The following CTTN variants were observed in gnomAD, a reference collection of about 807,000 sequenced individuals.
CTTN encodes the protein cortactin.
In CTTN, 28 loss-of-function variants were observed where a neutral mutation model predicts 84.0. The ratio of observed to expected loss-of-function variants is 0.33; its 90% CI spans 0.25 to 0.46. CTTN has a LOEUF of 0.46. Ranked by LOEUF, CTTN falls within the 20% of genes least tolerant of loss-of-function variation. The pLI is 1.00. For missense variants in CTTN, 641 were observed against 723.8 expected, an observed-to-expected ratio of 0.89 and a Z score of 1.31; for synonymous variants, 301 against 288.8, an observed-to-expected ratio of 1.04 and a Z score of -0.43.
chr11:70,415,548 C>T, intron 6 of CTTN, 115 bp from the exon 7 acceptor site: 4 of 982,696 alleles, frequency 4.1e-6, no homozygotes, highest in South Asian at 2.7e-5. Flanking sequence ...CCAGAGGTCA[C>T]AGCATCATGT....
rs2058380571 is a variant in CTTN at position 70,433,636 on chromosome 11, C to T, written c.1445-11C>T. ...TTTGTATTGTTCAGCTCTGTCATGGCTTTCTTTTAGAGGACAGCACCTACG... is the reference window on the plus strand; with the variant it reads ...TTTGTATTGTTCAGCTCTGTCATGGTTTTCTTTTAGAGGACAGCACCTACG... On this transcript the variant is annotated splice_polypyrimidine_tract_variant and intron_variant, in intron 16 of 17. Transcript: ENST00000301843. The T allele has an allele frequency of 3.1e-6, 5 of 1,601,532 alleles. No homozygotes were observed. Among genetic ancestry groups the T allele is most frequent in the African/African-American group, 2.7e-5 (2 of 74,646 alleles).
intron 12 of CTTN, among the ~76,000 whole-genome samples, chr11:70,423,684 A>T (rs1372987170): frequency 6.6e-6 from 1 of 152,124 alleles, no homozygotes; most frequent in African/African-American, 2.4e-5. Flanking sequence ...GACAGGAGTC[A>T]CTGCAGGTTC....
At chr11:70,407,193 C>G (rs2135553544) in intron 2 of CTTN, 105 bp from the exon 3 acceptor site, 1 of 861,950 alleles carries the variant, frequency 1.2e-6, no homozygotes, top group Non-Finnish European at 1.9e-6. Flanking sequence ...GCCTCGTCCT[C>G]CTGGGTTGCC....
chr11:70,431,765 G>GC (rs1001221121), intron 15 of CTTN, among the ~76,000 whole-genome samples: 3 of 152,000 alleles, frequency 2.0e-5, no homozygotes, highest in African/African-American at 7.3e-5. Flanking sequence ...ATGCTGTCCG[G>GC]CCCCTCCCTG....
In CTTN at chr11:70,435,164, G is replaced by A. The variant is rs1233595546; in HGVS notation, c.*2G>A. ...AACTATGTGGAGCTGCGGCAGTAGG[G>A]CCCCCAGCCCCCCCCCGGAGCTGCG... On this transcript the variant is annotated 3_prime_UTR_variant, in exon 18 of 18. Coordinates refer to ENST00000301843, the MANE Select transcript of CTTN (RefSeq NM_005231.4). The A allele has an allele frequency of 1.9e-6, 3 of 1,604,204 alleles. No homozygotes were observed. Among genetic ancestry groups the A allele is most frequent in the Non-Finnish European group, 2.6e-6 (3 of 1,175,990 alleles).
rs756851309 is a variant in CTTN, at chr11:70,419,805, G to A, written c.628G>A (p.Ala210Thr). Reference protein sequence around the residue: ...GIDKDKVDKSAVGFEYQGKTE... With the variant: ...GIDKDKVDKSTVGFEYQGKTE... The stretch of plus-strand genomic sequence containing the variant: ...CGACAAGGACAAAGTGGATAAGAGC[G>A]CCGTTGGCTTTGAGTATCAAGGCAA... Residue 210 changes from alanine to threonine, a missense_variant, in exon 9 of 18, where the codon GCC (alanine) becomes ACC (threonine). By Grantham distance (58) the Ala-to-Thr change is moderately conservative. This residue lies in a region of CTTN where 284 missense variants were observed against 348.4 expected (regional missense o/e 0.82). Coordinates refer to ENST00000301843, the MANE Select transcript of CTTN (RefSeq NM_005231.4). 10 of 1,613,254 alleles carry A rather than the reference G, an allele frequency of 6.2e-6. No individual in the cohort carries two copies. Among genetic ancestry groups the A allele is most frequent in the Middle Eastern group, 1.6e-4 (1 of 6,082 alleles).
At position 70,435,977 on chromosome 11, in the gene CTTN, T is replaced by G; in HGVS notation, c.*815T>G. On this transcript the variant is annotated 3_prime_UTR_variant, in exon 18 of 18. Transcript: ENST00000301843. ...GCTTGGCTTTTCACAAAGGCTGATG[T>G]CTTAACTGTCACCCATATGGTCCCT... is the stretch of plus-strand genomic sequence containing the variant. 1.4e-6 allele frequency: 2 copies of G among 1,431,396 alleles called. No homozygotes were observed. Among genetic ancestry groups the G allele is most frequent in the Middle Eastern group, 2.6e-4 (1 of 3,886 alleles). The allele number at this position is 1,431,396 out of a possible 1,614,324, so 88.7% of individuals were successfully genotyped here.
At chr11:70,423,337 T>C (rs2058263313) in intron 12 of CTTN, among the ~76,000 whole-genome samples, 1 of 152,190 alleles carries the variant, frequency 6.6e-6, no homozygotes, top group African/African-American at 2.4e-5. Flanking sequence ...TAAATCAGAT[T>C]GGAACCTGAG....
intron 10 of CTTN, 50 bp from the exon 11 acceptor site, chr11:70,421,420 T>C: frequency 7.6e-7 from 1 of 1,319,124 alleles, no homozygotes; most frequent in Non-Finnish European, 1.1e-6. Context: ...CTAACCCAAC[T>C]GTGTTTCCTC....
intron 2 of CTTN, 36 bp downstream of exon 2, chr11:70,405,397 C>A (rs1437925744): frequency 6.6e-6 from 1 of 152,142 alleles, no homozygotes; most frequent in African/African-American, 2.4e-5. Flanking sequence ...ACATTCTTTT[C>A]CTGTGGATGG....
chr11:70,401,345 A>G (rs1188974950), intron 1 of CTTN, among the ~76,000 whole-genome samples: 1 of 151,958 alleles, frequency 6.6e-6, no homozygotes, highest in Non-Finnish European at 1.5e-5. Flanking sequence ...GCGTGGTGGT[A>G]TATGCCTGTA....
intron 2 of CTTN, among the ~76,000 whole-genome samples, chr11:70,405,634 GAACAT>G (rs2058033447): frequency 6.6e-6 from 1 of 152,162 alleles, no homozygotes; most frequent in African/African-American, 2.4e-5. Flanking sequence ...CCCACCCCAT[GAACAT>G]GGGTGGGGCC....
At chr11:70,431,371 G>A in intron 15 of CTTN, 91 bp downstream of exon 15, 1 of 1,364,988 alleles carries the variant, frequency 7.3e-7, no homozygotes, top group Non-Finnish European at 1.0e-6. Context: ...TTGCAGGCAG[G>A]CAGTGTGGCG....
At chr11:70,422,224 C>T (rs1309922520) in intron 11 of CTTN, 1 of 342,276 alleles carries the variant, frequency 2.9e-6, no homozygotes, top group African/African-American at 2.1e-5. Flanking sequence ...AAAATTTGGA[C>T]TTGGTTATTA....
In CTTN at chr11:70,433,161, G is replaced by A. The variant is rs757983964; in HGVS notation, c.1327G>A (p.Glu443Lys). The A allele has an allele frequency of 1.1e-5, 18 of 1,613,818 alleles. No homozygotes were observed. The highest frequency in any genetic ancestry group is 1.5e-5 in the Non-Finnish European group (18 of 1,180,014). ...YRGPVSGTEP[E>K]PVYSMEAADY... ...AGGCCCTGTGAGTGGGACGGAGCCGGAGCCCGTGTACAGCATGGAGGCCGC... is the reference window on the plus strand; with the variant it reads ...AGGCCCTGTGAGTGGGACGGAGCCGAAGCCCGTGTACAGCATGGAGGCCGC... Residue 443 changes from glutamate to lysine, a missense_variant, in exon 16 of 18, where the codon GAG becomes AAG. By Grantham distance (56) the Glu-to-Lys change is moderately conservative. Around this residue, in one of 3 missense-constraint regions of CTTN, gnomAD observed 289 missense variants for 273.1 expected, o/e 1.06. Transcript: ENST00000301843.
At chr11:70,423,702 GC>G (rs1425640763) in intron 12 of CTTN, among the ~76,000 whole-genome samples, 4 of 152,188 alleles carry the variant, frequency 2.6e-5, no homozygotes, top group African/African-American at 9.7e-5. Flanking sequence ...TTCTCAAGGA[GC>G]CTAGCTGCAG....
At chr11:70,413,985 G>T (rs1484791530) in intron 5 of CTTN, among the ~76,000 whole-genome samples, 1 of 152,110 alleles carries the variant, frequency 6.6e-6, no homozygotes, top group African/African-American at 2.4e-5. Context: ...CCCACTGGTG[G>T]CCCCGACCTG....
At chr11:70,420,549 G>T in intron 10 of CTTN, 39 bp downstream of exon 10, 1 of 1,482,782 alleles carries the variant, frequency 6.7e-7, no homozygotes, top group Non-Finnish European at 9.4e-7. Context: ...GGTTTTAGAA[G>T]TTTGTTTTTG....
Position 70,425,342 on chromosome 11 carries a change from C to A in CTTN, c.968C>A (p.Thr323Asn), listed in dbSNP as rs762846232. The A allele has an allele frequency of 6.2e-7, 1 of 1,612,326 alleles. No individual in the cohort carries two copies. Among genetic ancestry groups the A allele is most frequent in the African/African-American group, 1.3e-5 (1 of 74,866 alleles). ...GTCCTGTCTCTGCAGAATGCGTCAA[C>A]CTTTGAGGATGTCACCCAGGTGTCC... ...QKDRMDKNAS[T>N]FEDVTQVSSA... Residue 323 changes from threonine (T) to asparagine (N), a missense_variant, in exon 13 of 18, where the codon ACC becomes AAC. Thr to Asn is a moderately conservative substitution (Grantham distance 65, BLOSUM62 0). Around this residue, in one of 3 missense-constraint regions of CTTN, gnomAD observed 289 missense variants for 273.1 expected, o/e 1.06. Transcript: ENST00000301843.
Sources: gnomAD v4.1 joint callset for allele counts (sites outside exome capture counted in the v4.1 genomes callset) on GRCh38, gnomAD v4.1.1 for gene constraint, gnomAD v4.1.1 regional missense constraint, MANE v1.5 for transcripts, NCBI Gene and HGNC (gene_info 2026-07-23, HGNC 2026-07-21) for gene names.